The following SNAP23 variants were observed in gnomAD, a reference collection of about 807,000 sequenced individuals.
The protein encoded by SNAP23 is synaptosome associated protein 23, also known as synaptosomal-associated protein 23.
Under a neutral mutation model 29.0 loss-of-function variants are expected in SNAP23, and 11 were observed. That is an observed-to-expected ratio of 0.38 (90% CI 0.24 to 0.63). The LOEUF (loss-of-function observed/expected upper bound fraction) is 0.63, where lower values mean the gene tolerates loss of function less well. Among genes scored for constraint, SNAP23 ranks in the 20% least tolerant of loss-of-function variants. The pLI is 0.58. For synonymous variants in SNAP23, 60 were observed against 82.9 expected, an observed-to-expected ratio of 0.72 and a Z score of 1.50; for missense variants, 220 against 253.9, an observed-to-expected ratio of 0.87 and a Z score of 0.91.
chr15:42,497,395 G>A (rs2057229986), intron 1 of SNAP23, among the ~76,000 whole-genome samples: 2 of 152,006 alleles, frequency 1.3e-5, no homozygotes, highest in South Asian at 2.1e-4. Flanking sequence ...TTTTAGTAGA[G>A]ATGGGGTTTT....
At chr15:42,524,181 C>T (rs755492022) in intron 5 of SNAP23, among the ~76,000 whole-genome samples, 12 of 152,022 alleles carry the variant, frequency 7.9e-5, no homozygotes, top group Non-Finnish European at 1.5e-4. Context: ...TTTAGTGCTC[C>T]AATATATAGA....
intron 1 of SNAP23, among the ~76,000 whole-genome samples, chr15:42,504,680 TA>T: frequency 6.6e-6 from 1 of 152,334 alleles, no homozygotes; most frequent in Middle Eastern, 3.4e-3. Flanking sequence ...AAAACAAAAC[TA>T]TAAAATAGAA....
chr15:42,523,158 G>T (rs1202844633), intron 5 of SNAP23, among the ~76,000 whole-genome samples: 2 of 148,062 alleles, frequency 1.4e-5, no homozygotes, highest in Non-Finnish European at 3.0e-5. Flanking sequence ...TGCCATTTTT[G>T]AATGAGACGT....
upstream of SNAP23, among the ~76,000 whole-genome samples, chr15:42,493,298 C>T (rs1298934974): frequency 1.4e-4 from 22 of 151,974 alleles, no homozygotes; most frequent in Non-Finnish European, 1.5e-5. Context: ...GACATCACAC[C>T]ATTGCACTCC....
At chr15:42,523,047 T>A (rs2057463700) in intron 5 of SNAP23, among the ~76,000 whole-genome samples, 2 of 151,996 alleles carry the variant, frequency 1.3e-5, no homozygotes, top group African/African-American at 4.8e-5. Context: ...GGTTTCACCA[T>A]GTTGGTCAGG....
chr15:42,511,931 T>C, intron 2 of SNAP23, 28 bp downstream of exon 2: 2 of 1,485,688 alleles, frequency 1.3e-6, no homozygotes, highest in Non-Finnish European at 1.9e-6. Context: ...AATAAGTAAA[T>C]AATTCTATTT....
intron 1 of SNAP23, among the ~76,000 whole-genome samples, chr15:42,502,026 CTTTTTT>C (rs767749240): frequency 7.5e-6 from 1 of 132,496 alleles, no homozygotes. Context: ...TATATTCTCT[CTTTTTT>C]TTTTTTTTTT....
chr15:42,512,636 C>G (rs1448925414), intron 2 of SNAP23, among the ~76,000 whole-genome samples: 1 of 152,114 alleles, frequency 6.6e-6, no homozygotes, highest in Non-Finnish European at 1.5e-5. Context: ...CTCAGCCTCC[C>G]AAAGTGCTGG....
chr15:42,513,600 A>G (rs574192476), intron 4 of SNAP23, among the ~76,000 whole-genome samples, 153 bp downstream of exon 4: 2 of 152,324 alleles, frequency 1.3e-5, no homozygotes, highest in Non-Finnish European at 2.9e-5. Flanking sequence ...TTTGAATTAT[A>G]TATCATGTTC....
chr15:42,529,260 C>G (rs2057538162), intron 6 of SNAP23, among the ~76,000 whole-genome samples: 1 of 152,124 alleles, frequency 6.6e-6, no homozygotes, highest in South Asian at 2.1e-4. Flanking sequence ...CAACCTCTCT[C>G]TTAGGGCAGT....
rs1021221190 is a variant in SNAP23, at chr15:42,528,258, A to G, written c.267-4A>G. On this transcript the variant is annotated splice_polypyrimidine_tract_variant and splice_region_variant and intron_variant, in intron 5 of 7. Transcript: ENST00000249647. ...ATCTCCCTACACTCCTGACTCTTAT[A>G]TAGAACAAAGAACTTTGAGTCTGGC... 2 of 1,613,630 alleles carry G rather than the reference A, an allele frequency of 1.2e-6. No homozygotes were observed. The highest frequency in any genetic ancestry group is 1.7e-6 in the Non-Finnish European group (2 of 1,179,622).
intron 1 of SNAP23, among the ~76,000 whole-genome samples, chr15:42,508,806 A>G (rs746581293): frequency 1.3e-5 from 2 of 152,210 alleles, no homozygotes; most frequent in Middle Eastern, 3.2e-3. Flanking sequence ...GAATTACAAA[A>G]TTACATAATT....
intron 5 of SNAP23, 106 bp from the exon 6 acceptor site, chr15:42,528,156 T>TCAAAAAA: frequency 2.5e-6 from 2 of 806,086 alleles, no homozygotes; most frequent in South Asian, 4.0e-5. Flanking sequence ...TATGCAGCTT[T>TCAAAAAA]TCTACTAGAG....
At chr15:42,504,531 A>G (rs144082595) in intron 1 of SNAP23, among the ~76,000 whole-genome samples, 82 of 152,324 alleles carry the variant, frequency 5.4e-4, no homozygotes, top group Non-Finnish European at 9.4e-4. Flanking sequence ...CAACATTGTT[A>G]CTTTCCTTTT....
At chr15:42,491,811 G>A (rs367605725), upstream of SNAP23, among the ~76,000 whole-genome samples, 20 of 151,936 alleles carry the variant, frequency 1.3e-4, no homozygotes, top group East Asian at 7.8e-4. Context: ...CAAACTCCTC[G>A]GCTCAAGTGA....
At chr15:42,525,150 G>A (rs1335940658) in intron 5 of SNAP23, among the ~76,000 whole-genome samples, 2 of 139,932 alleles carry the variant, frequency 1.4e-5, no homozygotes, top group Non-Finnish European at 3.1e-5. Context: ...GGCGGATCAC[G>A]AGGTCAGGAG....
At position 42,531,434 on chromosome 15, in the gene SNAP23, A is replaced by G. The variant is rs2057563764; in HGVS notation, c.592A>G (p.Ile198Val). The change falls in exon 8 of 8, where the codon ATT (isoleucine) becomes GTT (valine). Residue 198 changes from isoleucine to valine, a missense_variant. By Grantham distance (29) the Ile-to-Val change is conservative. Coordinates refer to ENST00000249647, the MANE Select transcript of SNAP23 (RefSeq NM_003825.4). ...TCAGGCTGACACCAACAGAGATCGTATTGATATTGCCAATGCCAGAGCAAA... is the reference window on the plus strand; with the variant it reads ...TCAGGCTGACACCAACAGAGATCGTGTTGATATTGCCAATGCCAGAGCAAA... ...TDKADTNRDR[I>V]DIANARAKKL... The G allele has an allele frequency of 6.3e-7, 1 of 1,593,714 alleles. No homozygotes were observed.
At chr15:42,509,028 G>C (rs1041753944) in intron 1 of SNAP23, among the ~76,000 whole-genome samples, 1 of 152,158 alleles carries the variant, frequency 6.6e-6, no homozygotes, top group Admixed American at 6.5e-5. Context: ...CTTTGGAGAG[G>C]TATCTCGGTT....
At chr15:42,491,403 T>G (rs1251965797), upstream of SNAP23, 1 of 152,328 alleles carries the variant, frequency 6.6e-6, no homozygotes, top group African/African-American at 2.4e-5. Context: ...ACTCTCTTCC[T>G]TGGTGTCCCG....
Sources: gnomAD v4.1 joint callset for allele counts (sites outside exome capture counted in the v4.1 genomes callset) on GRCh38, gnomAD v4.1.1 for gene constraint, MANE v1.5 for transcripts, NCBI Gene and HGNC (gene_info 2026-07-23, HGNC 2026-07-21) for gene names.